Variants in CLBA1 observed in about 807,000 individuals in gnomAD.
CLBA1 encodes the protein uncharacterized protein CLBA1.
Under a neutral mutation model 28.8 loss-of-function variants are expected in CLBA1, and 30 were observed. The observed-to-expected ratio is 1.04, with a 90% CI of 0.78 to 1.41. The LOEUF (loss-of-function observed/expected upper bound fraction) is 1.41. Among genes scored for constraint, CLBA1 ranks in the 40% most tolerant of loss-of-function variants. CLBA1 has a pLI of 0.00. For synonymous variants in CLBA1, 160 were observed against 152.8 expected (o/e 1.05, Z -0.35); for missense variants, 451 against 412.3 (o/e 1.09, Z -0.81).
chr14:104,999,337 G>T, downstream of CLBA1: 1 of 711,850 alleles, frequency 1.4e-6, no homozygotes. Context: ...CCACATCAGA[G>T]GCCAGGGACA....
intron 3 of CLBA1, among the ~76,000 whole-genome samples, chr14:104,992,721 TG>T (rs1900068697): frequency 6.6e-6 from 1 of 152,144 alleles, no homozygotes; most frequent in Non-Finnish European, 1.5e-5. Context: ...TTATTCCCAT[TG>T]AGCAGTTGAG....
In CLBA1 at chr14:104,993,872, T is replaced by C. The variant is rs1900103841; in HGVS notation, c.817-726T>C. ...GCAGGGAGGCGCAGGGGTAAAGTACTGCCCTGTGGCCTGGTAGGAGGTAAC... is the reference window on the plus strand; with the variant it reads ...GCAGGGAGGCGCAGGGGTAAAGTACCGCCCTGTGGCCTGGTAGGAGGTAAC... On this transcript the variant is annotated intron_variant, in intron 4 of 4. Coordinates refer to ENST00000547315, the MANE Select transcript of CLBA1 (RefSeq NM_174891.4). 7 of 985,420 alleles carry C rather than the reference T, an allele frequency of 7.1e-6. No individual in the cohort carries two copies. In the South Asian group the frequency reaches 3.3e-4, roughly 46 times the overall value. 61.0% of individuals were successfully genotyped at this position (985,420 alleles called of 1,614,324 possible). A position where few individuals can be genotyped will look rare whatever the true frequency, so the allele number is the denominator to read the frequency against.
rs1353570955 is a variant in CLBA1 at position 104,986,657 on chromosome 14, A to T, written c.226A>T (p.Ser76Cys). The change falls in exon 1 of 5, where the codon AGC becomes TGC. Residue 76 changes from serine (S) to cysteine (C), a missense_variant. Coordinates refer to ENST00000547315, the MANE Select transcript of CLBA1 (RefSeq NM_174891.4). ...ATGTCCTGACCCTGGGGAACACAGC[A>T]GCACTTGGGGGGAGTTTGAAGGCTT... ...ARCPDPGEHS[S>C]TWGEFEGFRE... 1.9e-6 allele frequency: 3 copies of T among 1,614,156 alleles called. No homozygotes were observed.
At position 104,986,359 on chromosome 14, in the gene CLBA1, G is replaced by A; in HGVS notation, c.-73G>A. On this transcript the variant is annotated 5_prime_UTR_variant, in exon 1 of 5. Transcript: ENST00000547315. ...GCAGGGGAAGGTTGGGCAGTCCTGG[G>A]CGGCCAGCACCCCGGCGTGCATGTC... The A allele has an allele frequency of 1.3e-6, 2 of 1,502,242 alleles. No individual in the cohort carries two copies. The highest frequency in any genetic ancestry group is 1.3e-5 in the South Asian group (1 of 79,948). 93.1% of individuals were successfully genotyped at this position (1,502,242 alleles called of 1,614,324 possible).
In CLBA1 at chr14:104,988,971, A is replaced by G. The variant is rs548694506; in HGVS notation, c.452A>G (p.Lys151Arg). The G allele has an allele frequency of 1.9e-6, 3 of 1,612,854 alleles. No homozygotes were observed. The South Asian group carries it at 3.3e-5, about 18-fold the overall frequency. ...EPILSYENIL[K>R]CAFQEITVQQ... ...ATTCTCAGCTATGAGAACATTTTAA[A>G]GTGTGCTTTTCAAGAAATAACAGTC... The change falls in exon 2 of 5, where the codon AAG becomes AGG. Residue 151 changes from lysine to arginine, a missense_variant. Lys to Arg is a conservative substitution (Grantham distance 26). Transcript: ENST00000547315.
intron 1 of CLBA1, 127 bp downstream of exon 1, chr14:104,986,981 T>C: frequency 8.8e-7 from 1 of 1,135,078 alleles, no homozygotes; most frequent in Non-Finnish European, 1.2e-6. Context: ...TCTGCTTCTC[T>C]CCTGGCCTTC....
chr14:104,992,267 T>C (rs1437771467), intron 3 of CLBA1, among the ~76,000 whole-genome samples: 1 of 151,990 alleles, frequency 6.6e-6, no homozygotes, highest in Non-Finnish European at 1.5e-5. Context: ...CGCCACCACA[T>C]GCGCCACTGC....
At chr14:104,990,264 C>T (rs1408574886) in intron 2 of CLBA1, 1 of 157,274 alleles carries the variant, frequency 6.4e-6, no homozygotes, top group Admixed American at 6.0e-5. Flanking sequence ...TGGAGTAGAG[C>T]ATGGTTTGTG....
At chr14:104,993,999 C>T in intron 4 of CLBA1, 1 of 985,264 alleles carries the variant, frequency 1.0e-6, no homozygotes, top group Middle Eastern at 5.2e-4. Flanking sequence ...TGGCACTGCC[C>T]CCAGCTGACA....
rs1555404677 is a variant in CLBA1 at position 104,985,954 on chromosome 14, TTCCAGGGCTGCTCTGCGGGCC to T, written c.-477_-457del. 1.9e-5 allele frequency: 4 copies of T among 209,092 alleles called. No homozygotes were observed. The highest frequency in any genetic ancestry group is 2.0e-5 in the Non-Finnish European group (2 of 101,160). 13.0% of individuals were successfully genotyped at this position (209,092 alleles called of 1,614,324 possible). On this transcript the variant is annotated 5_prime_UTR_variant, in exon 1 of 5. Transcript: ENST00000547315. ...CTCGGGCCCTGTCCAGGCCCAGGCG[TTCCAGGGCTGCTCTGCGGGCC>T]GCGTGCGAGAGGGACTCTCGGGAGG...
At chr14:104,991,455 C>G (rs1242295930) in intron 2 of CLBA1, 36 bp from the exon 3 acceptor site, 12 of 1,612,052 alleles carry the variant, frequency 7.4e-6, no homozygotes, top group Non-Finnish European at 1.0e-5. Flanking sequence ...AGAAGGCTCT[C>G]AAGGTCACCT....
rs766759581 is a variant in CLBA1 at position 104,986,754 on chromosome 14, A to G, written c.323A>G (p.Gln108Arg). 124 of 1,612,690 alleles carry G rather than the reference A, an allele frequency of 7.7e-5. 1 individual carries two copies. The Middle Eastern group carries it at 1.7e-3, about 21-fold the overall frequency. ...CTCCTCGAGGGACCCACAGAACCCC[A>G]GCCACCGAGAACCACTTCTGCCCCA... is the stretch of plus-strand genomic sequence containing the variant. ...LELLEGPTEPQPPRTTSAPKE... is the reference protein window; with the variant it reads ...LELLEGPTEPRPPRTTSAPKE... The change falls in exon 1 of 5, where the codon CAG becomes CGG. Residue 108 changes from glutamine to arginine, a missense_variant. Physicochemically the swap from Gln to Arg is conservative, Grantham distance 43. Coordinates refer to ENST00000547315, the MANE Select transcript of CLBA1 (RefSeq NM_174891.4).
chr14:104,986,641 C>A lies in CLBA1; in HGVS notation c.210C>A (p.Asp70Glu), dbSNP rs368020687. The A allele has an allele frequency of 2.6e-5, 42 of 1,613,958 alleles. No homozygotes were observed. Among genetic ancestry groups the A allele is most frequent in the Non-Finnish European group, 3.2e-5 (38 of 1,180,028 alleles). Residue 70 changes from aspartate to glutamate, a missense_variant, in exon 1 of 5, where the codon GAC becomes GAA. By Grantham distance (45) the Asp-to-Glu change is conservative. Transcript: ENST00000547315. The part of the protein sequence containing the change: ...GGSTCTARCP[D>E]PGEHSSTWGE... ...CCACCTGCACTGCCCGATGTCCTGA[C>A]CCTGGGGAACACAGCAGCACTTGGG... is the stretch of plus-strand genomic sequence containing the variant.
intron 4 of CLBA1, chr14:104,993,648 A>C (rs1192622349): frequency 5.1e-6 from 5 of 985,286 alleles, no homozygotes; most frequent in Non-Finnish European, 6.0e-6. Context: ...ATCAGGGGGA[A>C]GAAAAGCTTT....
chr14:104,992,797 C>T (rs1021119032), intron 3 of CLBA1, 151 bp from the exon 4 acceptor site: 75 of 766,678 alleles, frequency 9.8e-5, no homozygotes, highest in Middle Eastern at 3.2e-4. Context: ...AGTGGCAGGG[C>T]GACACAGGGG....
chr14:104,996,941 CGTT>C (rs1480911644), downstream of CLBA1, among the ~76,000 whole-genome samples: 1 of 152,260 alleles, frequency 6.6e-6, no homozygotes, highest in Non-Finnish European at 1.5e-5. Context: ...TGGAACTAAA[CGTT>C]GTTTGCTTCA....
At chr14:104,992,199 T>C (rs1900053010) in intron 3 of CLBA1, among the ~76,000 whole-genome samples, 1 of 115,386 alleles carries the variant, frequency 8.7e-6, no homozygotes, top group African/African-American at 3.5e-5. Flanking sequence ...CGGCCACCAC[T>C]CACACGCCAC....
rs1030080240 is a variant in CLBA1, at chr14:104,995,095, GGCT to G, written c.*340_*342del. On this transcript the variant is annotated 3_prime_UTR_variant, in exon 5 of 5. Transcript: ENST00000547315. ...GGATGGACCCTGGGCATGGCTTCTG[GGCT>G]GCTTAGTCCAGGGGGAGCAACTTGT... 6.2e-5 allele frequency: 63 copies of G among 1,016,450 alleles called. No homozygotes were observed. In the East Asian group the frequency reaches 8.2e-4, roughly 13 times the overall value. The allele number at this position is 1,016,450 out of a possible 1,614,324, so 63.0% of individuals were successfully genotyped here.
chr14:104,994,483 C>G (rs1900118488), intron 4 of CLBA1, 115 bp from the exon 5 acceptor site: 1 of 1,445,336 alleles, frequency 6.9e-7, no homozygotes, highest in African/African-American at 1.4e-5. Context: ...AAGAGGAGAA[C>G]CAAGGAGAGA....
Sources: allele counts gnomAD v4.1 joint callset (sites outside exome capture counted in the v4.1 genomes callset), GRCh38; gene constraint gnomAD v4.1.1; transcripts MANE v1.5; gene names NCBI Gene and HGNC (gene_info 2026-07-23, HGNC 2026-07-21).